Variants in MTFR1 observed in about 807,000 individuals in gnomAD.
The protein encoded by MTFR1 is chondrocyte protein with a poly-proline region.
In MTFR1, 28 loss-of-function variants were observed where a neutral mutation model predicts 38.8. That is an observed-to-expected ratio of 0.72 (90% CI 0.53 to 0.99). The LOEUF (loss-of-function observed/expected upper bound fraction) is 0.99. Among genes scored for constraint, MTFR1 ranks in the 50% least tolerant of loss-of-function variants. MTFR1 has a pLI of 0.00. For missense variants in MTFR1, 358 were observed against 395.5 expected (o/e 0.91, Z 0.81); for synonymous variants, 145 against 137.0 (o/e 1.06, Z -0.41).
At chr8:65,728,150 G>A (rs980546471) in intron 3 of MTFR1, 1 of 152,114 alleles carries the variant, frequency 6.6e-6, no homozygotes, top group African/African-American at 2.4e-5. Flanking sequence ...TTAGGTTTAC[G>A]TTAGGACAGT....
At chr8:65,719,627 G>T in intron 3 of MTFR1, 1 of 648,302 alleles carries the variant, frequency 1.5e-6, no homozygotes, top group South Asian at 1.9e-5. Flanking sequence ...AAAGATTCCT[G>T]TGTATGTGTA....
Position 65,707,974 on chromosome 8 carries a change from CA to C in MTFR1, c.899del (p.Lys300SerfsTer18). On this transcript the variant is annotated frameshift_variant, in exon 7 of 8. Coordinates refer to ENST00000262146, the MANE Select transcript of MTFR1 (RefSeq NM_014637.4). LOFTEE classifies it high-confidence loss of function. ...CAAGATGAAGTTGAAAAAGGAATTC[CA>C]AAGTCTGAATCAGAGGCCACCTCAG... is the stretch of plus-strand genomic sequence containing the variant. Reference protein sequence around the residue: ...DSQDEVEKGIPKSESEATSER... With the variant: ...DSQDEVEKGIXKSESEATSER... 6.2e-7 allele frequency: 1 copy of C among 1,613,478 alleles called. No individual in the cohort carries two copies. The highest frequency in any genetic ancestry group is 8.5e-7 in the Non-Finnish European group (1 of 1,179,916).
chr8:65,655,693 T>G (rs1195074681), intron 1 of MTFR1, among the ~76,000 whole-genome samples: 3 of 151,898 alleles, frequency 2.0e-5, no homozygotes, highest in East Asian at 3.9e-4. Flanking sequence ...CTAAAGGCTG[T>G]AATCCCAGCA....
chr8:65,671,084 T>A (rs1804558254), intron 2 of MTFR1, among the ~76,000 whole-genome samples: 1 of 152,230 alleles, frequency 6.6e-6, no homozygotes, highest in South Asian at 2.1e-4. Context: ...TACATCTGTT[T>A]TCTTCGGAGA....
intron 1 of MTFR1, among the ~76,000 whole-genome samples, chr8:65,646,338 TG>T: frequency 6.6e-6 from 1 of 152,338 alleles, no homozygotes; most frequent in East Asian, 1.9e-4. Context: ...TCTTGGCCTT[TG>T]TCATTGCAAA....
intron 3 of MTFR1, chr8:65,682,948 A>T: frequency 1.8e-5 from 18 of 984,044 alleles, no homozygotes; most frequent in Non-Finnish European, 2.2e-5. Flanking sequence ...CAAAAAGGTA[A>T]TTGTGGTTTT....
intron 4 of MTFR1, among the ~76,000 whole-genome samples, chr8:65,700,349 TAA>T (rs551471575): frequency 2.2e-4 from 24 of 106,748 alleles, no homozygotes; most frequent in Non-Finnish European, 2.9e-4. Flanking sequence ...AGACCTATCT[TAA>T]AAAAAAAAAA....
intron 5 of MTFR1, 131 bp from the exon 6 acceptor site, chr8:65,706,877 CTT>C: frequency 1.0e-6 from 1 of 970,144 alleles, no homozygotes; most frequent in East Asian, 2.6e-5. Context: ...TGTCTTGCTT[CTT>C]ACATAACTGA....
At chr8:65,719,312 G>C (rs756389915) in intron 2 of MTFR1, 2 of 1,613,616 alleles carry the variant, frequency 1.2e-6, no homozygotes, top group East Asian at 4.5e-5. Context: ...ATTTTCCTGA[G>C]GTAATAACTG....
intron 2 of MTFR1, among the ~76,000 whole-genome samples, chr8:65,670,338 C>T (rs953107027): frequency 6.6e-6 from 1 of 152,004 alleles, no homozygotes; most frequent in African/African-American, 2.4e-5. Flanking sequence ...CACTTGACAG[C>T]GCTCTTAATG....
intron 1 of MTFR1, among the ~76,000 whole-genome samples, chr8:65,653,277 G>C (rs927385149): frequency 5.9e-5 from 9 of 152,172 alleles, no homozygotes; most frequent in African/African-American, 2.2e-4. Context: ...GGGAGGCCGA[G>C]GTGGGTGGAT....
intron 3 of MTFR1, chr8:65,747,774 C>T: frequency 6.2e-7 from 1 of 1,608,262 alleles, no homozygotes; most frequent in Non-Finnish European, 8.5e-7. Flanking sequence ...ATATTCCTTG[C>T]AGAGACAGAC....
exon 4 of MTFR1, chr8:65,771,088 G>A: frequency 2.9e-6 from 1 of 345,396 alleles, no homozygotes. Context: ...GAAATATTGT[G>A]GCATCTACAT....
At chr8:65,748,370 G>C (rs1807784872) in intron 3 of MTFR1, among the ~76,000 whole-genome samples, 1 of 152,136 alleles carries the variant, frequency 6.6e-6, no homozygotes, top group South Asian at 2.1e-4. Context: ...CTAAAGGATA[G>C]GGATAAAAAT....
At chr8:65,738,658 C>G (rs1463271245) in intron 3 of MTFR1, among the ~76,000 whole-genome samples, 1 of 152,074 alleles carries the variant, frequency 6.6e-6, no homozygotes, top group Non-Finnish European at 1.5e-5. Flanking sequence ...GTCTCCAACT[C>G]GTGGCCTCAC....
In MTFR1 at chr8:65,707,258, T is replaced by C. The variant is rs766636843; in HGVS notation, c.764+2T>C. ...TGTAAAACTTCGGTCAGTGAAGAGG[T>C]GAGGATACATTCACCTTCTTTCTTC... is the stretch of plus-strand genomic sequence containing the variant. On this transcript the variant is annotated splice_donor_variant, in intron 6 of 7. Transcript: ENST00000262146. LOFTEE classifies it high-confidence loss of function. 6.2e-7 allele frequency: 1 copy of C among 1,611,260 alleles called. No homozygotes were observed. Among genetic ancestry groups the C allele is most frequent in the South Asian group, 1.1e-5 (1 of 90,476 alleles).
At chr8:65,694,724 G>A (rs1325676068) in intron 4 of MTFR1, among the ~76,000 whole-genome samples, 1 of 152,206 alleles carries the variant, frequency 6.6e-6, no homozygotes, top group African/African-American at 2.4e-5. Context: ...AGTCTACAAA[G>A]TAATTACAGA....
chr8:65,753,665 T>C (rs1292015711), intron 3 of MTFR1, among the ~76,000 whole-genome samples: 2 of 152,228 alleles, frequency 1.3e-5, no homozygotes, highest in Non-Finnish European at 2.9e-5. Flanking sequence ...GTTGCTCAGG[T>C]GCTCGATTTC....
intron 2 of MTFR1, among the ~76,000 whole-genome samples, chr8:65,671,790 G>T (rs1804573928): frequency 6.6e-6 from 1 of 152,150 alleles, no homozygotes; most frequent in Non-Finnish European, 1.5e-5. Flanking sequence ...ATTTGTCTCT[G>T]TCAGTTATTG....
Sources: allele counts gnomAD v4.1 joint callset (sites outside exome capture counted in the v4.1 genomes callset), GRCh38; gene constraint gnomAD v4.1.1; transcripts MANE v1.5; gene names NCBI Gene and HGNC (gene_info 2026-07-23, HGNC 2026-07-21).